RNF216: variants seen among roughly 807,000 people sequenced by gnomAD.
RNF216 encodes the protein ring finger protein 216, also known as E3 ubiquitin-protein ligase RNF216.
Under a neutral mutation model 110.8 loss-of-function variants are expected in RNF216, and 72 were observed. That is an observed-to-expected ratio of 0.65 (90% CI 0.54 to 0.79). The LOEUF (loss-of-function observed/expected upper bound fraction) is 0.79. Among genes scored for constraint, RNF216 ranks in the 30% least tolerant of loss-of-function variants. RNF216 has a pLI of 0.00. For missense variants in RNF216, 1,342 were observed against 1,141.2 expected, an observed-to-expected ratio of 1.18 and a Z score of -2.54; for synonymous variants, 495 against 407.5, an observed-to-expected ratio of 1.21 and a Z score of -2.59.
intron 14 of RNF216, among the ~76,000 whole-genome samples, chr7:5,650,213 A>G (rs1013017610): frequency 1.3e-5 from 2 of 152,160 alleles, no homozygotes; most frequent in Non-Finnish European, 2.9e-5. Flanking sequence ...AACATTTGGG[A>G]GGCTGTTTTT....
chr7:5,631,072 C>G (rs1787040489), intron 15 of RNF216, among the ~76,000 whole-genome samples: 1 of 152,148 alleles, frequency 6.6e-6, no homozygotes, highest in Non-Finnish European at 1.5e-5. Flanking sequence ...AGGGTTCCTT[C>G]TGAGAAGAGC....
At chr7:5,644,435 C>T (rs984055357) in intron 14 of RNF216, among the ~76,000 whole-genome samples, 8 of 152,084 alleles carry the variant, frequency 5.3e-5, no homozygotes, top group African/African-American at 1.7e-4. Context: ...TGACTAATGA[C>T]GTTCAGCATG....
In RNF216 at chr7:5,741,565, T is replaced by C. The variant is rs778374326; in HGVS notation, c.452A>G (p.Gln151Arg). 6.2e-7 allele frequency: 1 copy of C among 1,614,082 alleles called. No homozygotes were observed. Among genetic ancestry groups the C allele is most frequent in the East Asian group, 2.2e-5 (1 of 44,894 alleles). The change falls in exon 4 of 17, where the codon CAA (glutamine) becomes CGA (arginine). Residue 151 changes from glutamine to arginine, a missense_variant. Gln to Arg is a conservative substitution (Grantham distance 43). Coordinates refer to ENST00000389902, the MANE Select transcript of RNF216 (RefSeq NM_207111.4). ...GISEFTKPSG[Q>R]TEREPKPGPS... The stretch of plus-strand genomic sequence containing the variant: ...TCCAGGCTTGGGTTCTCTTTCTGTT[T>C]GGCCACTTGGCTTAGTGAATTCAGA...
intron 13 of RNF216, among the ~76,000 whole-genome samples, chr7:5,664,880 C>T (rs1428701173): frequency 1.3e-5 from 2 of 152,216 alleles, no homozygotes; most frequent in Non-Finnish European, 2.9e-5. Context: ...ACCGCAACCT[C>T]CACCTCCCAG....
intron 2 of RNF216, among the ~76,000 whole-genome samples, chr7:5,754,790 G>C (rs1795530566): frequency 6.6e-6 from 1 of 152,160 alleles, no homozygotes; most frequent in Non-Finnish European, 1.5e-5. Flanking sequence ...AACTTTGGGA[G>C]GCCTAGACAG....
chr7:5,725,015 A>T (rs1364448070), intron 8 of RNF216, among the ~76,000 whole-genome samples: 1 of 152,176 alleles, frequency 6.6e-6, no homozygotes, highest in Admixed American at 6.5e-5. Flanking sequence ...ATTCGCATCA[A>T]ACCTTTGAGA....
At chr7:5,714,206 C>T (rs879518807) in intron 11 of RNF216, among the ~76,000 whole-genome samples, 8 of 152,044 alleles carry the variant, frequency 5.3e-5, no homozygotes, top group Non-Finnish European at 8.8e-5. Flanking sequence ...TGTGATCCAC[C>T]CAACTTAGCC....
intron 1 of RNF216, among the ~76,000 whole-genome samples, chr7:5,778,328 A>C (rs1043131028): frequency 1.3e-5 from 2 of 152,136 alleles, no homozygotes; most frequent in Non-Finnish European, 2.9e-5. Context: ...AATTAACTCT[A>C]TTCATTGTTC....
rs755878331 is a variant in RNF216, at chr7:5,729,443, T to C, written c.1378A>G (p.Ile460Val). 3.2e-5 allele frequency: 52 copies of C among 1,614,010 alleles called. No individual in the cohort carries two copies. The highest frequency in any genetic ancestry group is 3.6e-5 in the Non-Finnish European group (42 of 1,180,014). The stretch of plus-strand genomic sequence containing the variant: ...ACCAAGTAGAGTACCTTTCGGGTGA[T>C]TGCATAGTGTCCTTTGAGCTCGTGC... The part of the protein sequence containing the change: ...ALHELKGHYA[I>V]TRKALSDAIK... Residue 460 changes from isoleucine to valine, a missense_variant, in exon 7 of 17, where the codon ATC becomes GTC. By Grantham distance (29) the Ile-to-Val change is conservative. Coordinates refer to ENST00000389902, the MANE Select transcript of RNF216 (RefSeq NM_207111.4).
At chr7:5,691,726 G>C (rs78324415) in intron 13 of RNF216, among the ~76,000 whole-genome samples, 5 of 152,222 alleles carry the variant, frequency 3.3e-5, no homozygotes, top group African/African-American at 1.2e-4. Context: ...GAGTCCATCA[G>C]TACTAACTCT....
chr7:5,754,144 GT>G (rs1795487842), intron 2 of RNF216, among the ~76,000 whole-genome samples: 1 of 151,448 alleles, frequency 6.6e-6, no homozygotes, highest in Non-Finnish European at 1.5e-5. Context: ...GTGTGTGTGT[GT>G]GTGTGTGTGT....
chr7:5,682,595 C>T (rs1790731422), intron 13 of RNF216, among the ~76,000 whole-genome samples: 1 of 152,002 alleles, frequency 6.6e-6, no homozygotes, highest in African/African-American at 2.4e-5. Context: ...TTAGTAGAGA[C>T]AGGGTTTCAA....
intron 5 of RNF216, among the ~76,000 whole-genome samples, chr7:5,737,373 C>T (rs993712729): frequency 1.3e-5 from 2 of 152,128 alleles, no homozygotes; most frequent in African/African-American, 2.4e-5. Context: ...TACCCAGGGA[C>T]ACAAACACTG....
Position 5,725,448 on chromosome 7 carries a change from G to A in RNF216, c.1390-10C>T, listed in dbSNP as rs1793691974. The A allele has an allele frequency of 6.7e-7, 1 of 1,499,384 alleles. No homozygotes were observed. Among genetic ancestry groups the A allele is most frequent in the Non-Finnish European group, 9.3e-7 (1 of 1,079,332 alleles). The allele number at this position is 1,499,384 out of a possible 1,614,324, so 92.9% of individuals were successfully genotyped here. A position where few individuals can be genotyped will look rare whatever the true frequency, so the allele number is the denominator to read the frequency against. ...TGGCATCAGACAAGGCCTAAAAATTGAGAAAAGGAAAGGTTCCTTCTGTAA... is the reference window on the plus strand; with the variant it reads ...TGGCATCAGACAAGGCCTAAAAATTAAGAAAAGGAAAGGTTCCTTCTGTAA... On this transcript the variant is annotated splice_polypyrimidine_tract_variant and intron_variant, in intron 7 of 16. Coordinates refer to ENST00000389902, the MANE Select transcript of RNF216 (RefSeq NM_207111.4).
intron 5 of RNF216, chr7:5,733,082 T>C (rs1447307187): frequency 2.0e-5 from 3 of 152,202 alleles, no homozygotes; most frequent in African/African-American, 4.8e-5. Context: ...TACAACAAAA[T>C]CCCAGCCTGC....
At chr7:5,779,188 C>T (rs1182992506) in intron 1 of RNF216, among the ~76,000 whole-genome samples, 1 of 152,258 alleles carries the variant, frequency 6.6e-6, no homozygotes, top group East Asian at 1.9e-4. Context: ...TCAGCAAATA[C>T]CAGCTCTCTC....
At chr7:5,764,355 T>C (rs574350421) in intron 1 of RNF216, among the ~76,000 whole-genome samples, 24 of 151,588 alleles carry the variant, frequency 1.6e-4, no homozygotes, top group African/African-American at 5.6e-4. Context: ...AAGATAAAAA[T>C]AGACTCTTCA....
At chr7:5,710,164 A>T (rs1321192369) in intron 13 of RNF216, among the ~76,000 whole-genome samples, 1 of 152,196 alleles carries the variant, frequency 6.6e-6, no homozygotes, top group African/African-American at 2.4e-5. Flanking sequence ...GTTCAGGACC[A>T]GCCTGGCCAA....
At chr7:5,774,616 T>C (rs1584625762) in intron 1 of RNF216, among the ~76,000 whole-genome samples, 2 of 152,332 alleles carry the variant, frequency 1.3e-5, no homozygotes, top group South Asian at 2.1e-4. Flanking sequence ...CAAGGCTATG[T>C]TGAAAAATGA....
Sources: allele counts gnomAD v4.1 joint callset (sites outside exome capture counted in the v4.1 genomes callset), GRCh38; gene constraint gnomAD v4.1.1; transcripts MANE v1.5; gene names NCBI Gene and HGNC (gene_info 2026-07-23, HGNC 2026-07-21).